PLCZ1: variants seen among roughly 807,000 people sequenced by gnomAD.
PLCZ1 encodes the protein 1-phosphatidylinositol 4,5-bisphosphate phosphodiesterase zeta-1.
A neutral mutation model predicts 76.8 loss-of-function variants in PLCZ1; 64 were observed. The ratio of observed to expected loss-of-function variants is 0.83; its 90% CI spans 0.68 to 1.03. PLCZ1 has a LOEUF of 1.03. Ranked by LOEUF, PLCZ1 falls within the 50% of genes least tolerant of loss-of-function variation. The pLI is 0.00. For synonymous variants in PLCZ1, 248 were observed against 230.8 expected (o/e 1.07, Z -0.68); for missense variants, 751 against 713.7 (o/e 1.05, Z -0.60).
At chr12:18,713,930 A>T (rs370519473) in intron 5 of PLCZ1, 13 of 152,254 alleles carry the variant, frequency 8.5e-5, no homozygotes, top group African/African-American at 2.9e-4. Context: ...TGTTCATACT[A>T]CAAGAGAGCA....
intron 6 of PLCZ1, among the ~76,000 whole-genome samples, chr12:18,709,377 G>A (rs555296050): frequency 5.9e-5 from 9 of 152,086 alleles, no homozygotes; most frequent in Admixed American, 5.9e-4. Flanking sequence ...TGGTCTATAT[G>A]TCTGTTTTTC....
At chr12:18,729,551 A>G (rs548500156) in intron 3 of PLCZ1, among the ~76,000 whole-genome samples, 187 of 152,226 alleles carry the variant, frequency 1.2e-3, no homozygotes, top group African/African-American at 4.3e-3. Context: ...AAAGAATTTG[A>G]AGACTCAGGG....
intron 6 of PLCZ1, among the ~76,000 whole-genome samples, chr12:18,705,953 A>C (rs1294099174): frequency 1.4e-5 from 2 of 142,956 alleles, no homozygotes; most frequent in African/African-American, 5.2e-5. Flanking sequence ...CAGGACGAGC[A>C]TGGTGGCTCA....
the PLCZ1 span, among the ~76,000 whole-genome samples, chr12:18,677,117 A>C: frequency 6.6e-6 from 1 of 152,092 alleles, no homozygotes. Context: ...TTTGATGTAG[A>C]AAAGGGGAGT....
chr12:18,712,761 A>G, intron 6 of PLCZ1, 81 bp downstream of exon 6: 1 of 1,503,334 alleles, frequency 6.7e-7, no homozygotes, highest in Non-Finnish European at 9.2e-7. Context: ...AAGTAAGGCT[A>G]AGCATTATAG....
chr12:18,731,326 T>C (rs1415673898), intron 3 of PLCZ1, among the ~76,000 whole-genome samples: 2 of 151,994 alleles, frequency 1.3e-5, no homozygotes, highest in Non-Finnish European at 2.9e-5. Context: ...ATAATAATGA[T>C]GACAGCCTAC....
At chr12:18,690,254 G>C (rs1331810631) in intron 12 of PLCZ1, among the ~76,000 whole-genome samples, 2 of 151,920 alleles carry the variant, frequency 1.3e-5, no homozygotes, top group East Asian at 3.9e-4. Flanking sequence ...ACGAACTTTG[G>C]CTCTTGCTAC....
At chr12:18,724,830 T>G (rs1240951322) in intron 3 of PLCZ1, among the ~76,000 whole-genome samples, 2 of 152,078 alleles carry the variant, frequency 1.3e-5, no homozygotes, top group Admixed American at 1.3e-4. Flanking sequence ...CCTGAAAATT[T>G]TGGTTATAGA....
intron 4 of PLCZ1, among the ~76,000 whole-genome samples, chr12:18,721,216 A>G (rs1329236387): frequency 2.0e-5 from 3 of 152,132 alleles, no homozygotes; most frequent in African/African-American, 7.2e-5. Flanking sequence ...TTGTTCCCTT[A>G]AAAACTACCA....
At chr12:18,680,960 C>A (rs552204757), downstream of PLCZ1, among the ~76,000 whole-genome samples, 233 of 152,114 alleles carry the variant, frequency 1.5e-3, no homozygotes, top group African/African-American at 5.2e-3. Flanking sequence ...AATTAATAGT[C>A]ATTTATGTCA....
chr12:18,680,073 TG>T (rs1479479538), downstream of PLCZ1, among the ~76,000 whole-genome samples: 1 of 151,856 alleles, frequency 6.6e-6, no homozygotes, highest in African/African-American at 2.4e-5. Flanking sequence ...ATATTTCCAG[TG>T]TGTTATTACT....
chr12:18,734,021 T>C (rs535995527), intron 3 of PLCZ1, among the ~76,000 whole-genome samples: 3 of 152,282 alleles, frequency 2.0e-5, no homozygotes, highest in South Asian at 2.1e-4. Flanking sequence ...AAAAATGCCA[T>C]TGGGATTTTA....
In PLCZ1 at chr12:18,723,492, T is replaced by A. The variant is rs769582587; in HGVS notation, c.186A>T (p.Ala62=). 5.6e-6 allele frequency: 9 copies of A among 1,612,936 alleles called. No individual in the cohort carries two copies. The Admixed American group carries it at 1.0e-4, about 18-fold the overall frequency. ...QGRITIEEFR[A]IYRIITHREE... ...CTCTGTGCGTGATAATTCGATAAAT[T>A]GCTCTAAATTCTTCTATGGTGATTC... The change falls in exon 4 of 15, where the codon GCA becomes GCT. Residue 62 remains alanine, a synonymous_variant. Coordinates refer to ENST00000266505, the MANE Select transcript of PLCZ1 (RefSeq NM_033123.4).
the PLCZ1 span, among the ~76,000 whole-genome samples, chr12:18,673,819 C>T: frequency 6.6e-6 from 1 of 152,164 alleles, no homozygotes; most frequent in Admixed American, 6.5e-5. Flanking sequence ...GGACTCAGGG[C>T]CTCAGTTGCT....
the PLCZ1 span, among the ~76,000 whole-genome samples, chr12:18,662,821 T>C: frequency 1.3e-5 from 2 of 151,934 alleles, no homozygotes; most frequent in Non-Finnish European, 2.9e-5. Flanking sequence ...GTAATCCCCA[T>C]GGTAACCAAA....
At chr12:18,677,572 T>C in the PLCZ1 span, among the ~76,000 whole-genome samples, 1 of 152,050 alleles carries the variant, frequency 6.6e-6, no homozygotes, top group Non-Finnish European at 1.5e-5. Context: ...GCTGAGGACC[T>C]AATGCAGTGC....
chr12:18,678,225 C>A (rs1487523112), downstream of PLCZ1, among the ~76,000 whole-genome samples: 2 of 152,060 alleles, frequency 1.3e-5, no homozygotes, highest in Admixed American at 1.3e-4. Flanking sequence ...GCTGTTAGAA[C>A]ACACATTGTC....
chr12:18,682,592 T>C (rs895057237), downstream of PLCZ1, among the ~76,000 whole-genome samples: 3 of 152,002 alleles, frequency 2.0e-5, no homozygotes, highest in Non-Finnish European at 4.4e-5. Flanking sequence ...TTCAGAAACA[T>C]TGCAAATTAA....
At chr12:18,649,036 G>A in the PLCZ1 span, among the ~76,000 whole-genome samples, 1 of 152,054 alleles carries the variant, frequency 6.6e-6, no homozygotes, top group Non-Finnish European at 1.5e-5. Context: ...TATGTGATAT[G>A]AGCTGATATG....
Sources: allele counts gnomAD v4.1 joint callset (sites outside exome capture counted in the v4.1 genomes callset), GRCh38; gene constraint gnomAD v4.1.1; transcripts MANE v1.5; gene names NCBI Gene and HGNC (gene_info 2026-07-23, HGNC 2026-07-21).